The following COPG1 variants were observed in gnomAD, a reference collection of about 807,000 sequenced individuals.
COPG1 encodes the protein coat protein complex I subunit gamma 1.
Under a neutral mutation model 102.8 loss-of-function variants are expected in COPG1, and 29 were observed. The observed-to-expected ratio is 0.28, with a 90% CI of 0.21 to 0.38. The LOEUF (loss-of-function observed/expected upper bound fraction) is 0.38, where lower values mean the gene tolerates loss of function less well. COPG1 is among the 10% of genes least tolerant of loss of function. The pLI, the probability that COPG1 is intolerant of heterozygous loss-of-function variation, is 1.00. For missense variants in COPG1, 875 were observed against 1,132.7 expected (o/e 0.77, Z 3.27); for synonymous variants, 406 against 421.6 (o/e 0.96, Z 0.45).
chr3:129,262,370 A>G (rs897293190), intron 12 of COPG1, among the ~76,000 whole-genome samples: 4 of 150,950 alleles, frequency 2.6e-5, no homozygotes, highest in African/African-American at 9.7e-5. Context: ...CTTCTGCCTC[A>G]GCCTCCTGAG....
intron 10 of COPG1, among the ~76,000 whole-genome samples, chr3:129,259,908 A>G (rs866224899): frequency 5.3e-5 from 8 of 152,328 alleles, no homozygotes; most frequent in African/African-American, 1.7e-4. Context: ...ACAGAGGTTA[A>G]GGGCTTAGGC....
chr3:129,266,085 C>T (rs1254943070), intron 14 of COPG1, among the ~76,000 whole-genome samples: 1 of 152,042 alleles, frequency 6.6e-6, no homozygotes, highest in African/African-American at 2.4e-5. Flanking sequence ...GATTCTCCTG[C>T]CTCAGCCTCC....
intron 5 of COPG1, among the ~76,000 whole-genome samples, chr3:129,253,930 G>A (rs1380844815): frequency 2.0e-5 from 3 of 151,260 alleles, no homozygotes; most frequent in Non-Finnish European, 2.9e-5. Context: ...AACTGGGGAG[G>A]TGGAGGTTGC....
Position 129,260,705 on chromosome 3 carries a change from G to A in COPG1, c.1026G>A (p.Thr342=), listed in dbSNP as rs780636747. ...CAGATTCAAACCGCAGCATTGCCACGCTGGCCATCACCACCCTCCTTAAGA... is the reference window on the plus strand; with the variant it reads ...CAGATTCAAACCGCAGCATTGCCACACTGGCCATCACCACCCTCCTTAAGA... ...LVTDSNRSIA[T]LAITTLLKTG... Residue 342 remains threonine, a synonymous_variant, in exon 12 of 24, where the codon ACG becomes ACA. Transcript: ENST00000314797. 2.4e-5 allele frequency: 39 copies of A among 1,613,732 alleles called. No individual in the cohort carries two copies. The highest frequency in any genetic ancestry group is 1.4e-5 in the Non-Finnish European group (16 of 1,180,042).
At position 129,266,674 on chromosome 3, in the gene COPG1, C is replaced by A. The variant is rs575703397; in HGVS notation, c.1469-350C>A. On this transcript the variant is annotated intron_variant, in intron 14 of 23. Coordinates refer to ENST00000314797, the MANE Select transcript of COPG1 (RefSeq NM_016128.4). ...TCATTTTTATTATTCTGAGCCTTAACTGCAAATTGACGCCATTTGGATATG... is the reference window on the plus strand; with the variant it reads ...TCATTTTTATTATTCTGAGCCTTAAATGCAAATTGACGCCATTTGGATATG... Among the ~76,000 whole-genome samples, 33 of 152,250 alleles carry A rather than the reference C, an allele frequency of 2.2e-4. No homozygotes were observed. In the East Asian group the frequency reaches 4.1e-3, roughly 19 times the overall value.
chr3:129,259,730 G>A (rs1047752551), intron 10 of COPG1, among the ~76,000 whole-genome samples: 5 of 152,106 alleles, frequency 3.3e-5, no homozygotes, highest in South Asian at 2.1e-4. Flanking sequence ...CTGAGCTTCC[G>A]GGCAGCCAGG....
chr3:129,252,474 C>T, intron 3 of COPG1, 113 bp downstream of exon 3: 1 of 1,023,550 alleles, frequency 9.8e-7, no homozygotes, highest in African/African-American at 1.6e-5. Flanking sequence ...CTGTAGACAA[C>T]AGCTCAGCTC....
chr3:129,273,748 T>C (rs1311483132), intron 21 of COPG1, among the ~76,000 whole-genome samples: 4 of 152,208 alleles, frequency 2.6e-5, no homozygotes, highest in Non-Finnish European at 5.9e-5. Context: ...AGAAGGAGAA[T>C]AGTTGGGTCA....
intron 18 of COPG1, among the ~76,000 whole-genome samples, chr3:129,270,470 C>A (rs549952785): frequency 1.3e-5 from 2 of 152,066 alleles, no homozygotes; most frequent in Non-Finnish European, 2.9e-5. Context: ...CCAACAGAAT[C>A]CCCCAGGGAG....
Position 129,252,618 on chromosome 3 carries a change from C to T in COPG1, c.172-5C>T, listed in dbSNP as rs1939723090. On this transcript the variant is annotated splice_region_variant and splice_polypyrimidine_tract_variant and intron_variant, in intron 3 of 23. Transcript: ENST00000314797. ...AAGCTGAGACTTCTTTCTTGATTAA[C>T]ACAGGGGGAGCACCTGGGGACCACG... The T allele has an allele frequency of 1.2e-6, 2 of 1,613,182 alleles. No homozygotes were observed.
chr3:129,275,312 G>A lies in COPG1; in HGVS notation c.2494+20G>A. 6.2e-7 allele frequency: 1 copy of A among 1,606,310 alleles called. No individual in the cohort carries two copies. The highest frequency in any genetic ancestry group is 8.5e-7 in the Non-Finnish European group (1 of 1,173,084). On this transcript the variant is annotated intron_variant, in intron 23 of 23. Coordinates refer to ENST00000314797, the MANE Select transcript of COPG1 (RefSeq NM_016128.4). This position sits in a 1 kb window ranked among gnomAD's most constrained non-coding sequence, Gnocchi z 5.0. ...TGGCTGGTAAGTGGCATTTCTAGAT[G>A]GGGAGGGCCTGGATAGCTTACAGCC... is the stretch of plus-strand genomic sequence containing the variant.
intron 16 of COPG1, 36 bp from the exon 17 acceptor site, chr3:129,268,459 T>TA: frequency 6.2e-7 from 1 of 1,609,730 alleles, no homozygotes; most frequent in Non-Finnish European, 8.5e-7. Flanking sequence ...CATTTTGCTC[T>TA]ATCTGCCAGG....
chr3:129,268,724 G>T, intron 17 of COPG1, 104 bp downstream of exon 17: 3 of 1,372,030 alleles, frequency 2.2e-6, no homozygotes, highest in Non-Finnish European at 3.0e-6. Flanking sequence ...TGGCAGTTAT[G>T]CTGGGAGGAG....
chr3:129,255,154 G>A, intron 7 of COPG1, 77 bp downstream of exon 7: 3 of 897,380 alleles, frequency 3.3e-6, no homozygotes, highest in Non-Finnish European at 5.3e-6. Flanking sequence ...ATTCCAGTAG[G>A]AAAAAAGAAA....
intron 2 of COPG1, among the ~76,000 whole-genome samples, chr3:129,251,613 C>T (rs1443547404): frequency 6.6e-6 from 1 of 151,602 alleles, no homozygotes; most frequent in Non-Finnish European, 1.5e-5. Context: ...TGGTGTGAAT[C>T]CTGACCTCTT....
chr3:129,258,880 G>A (rs1939866523), intron 10 of COPG1, among the ~76,000 whole-genome samples: 1 of 152,184 alleles, frequency 6.6e-6, no homozygotes, highest in African/African-American at 2.4e-5. Flanking sequence ...CCTATGAAGA[G>A]GTGCAAAGTG....
In COPG1 at chr3:129,251,871, A is replaced by G. The variant is rs191331647; in HGVS notation, c.91-410A>G. Among the ~76,000 whole-genome samples, 23 of 148,684 alleles carry G rather than the reference A, an allele frequency of 1.5e-4. No homozygotes were observed. In the East Asian group the frequency reaches 4.0e-3, roughly 26 times the overall value. On this transcript the variant is annotated intron_variant, in intron 2 of 23. Transcript: ENST00000314797. ...CCTGGCTAAGTTTTGTATTTTTAGT[A>G]CAGACGGGGTTTCACCATGTTGGCC...
Position 129,272,303 on chromosome 3 carries a change from G to A in COPG1, c.2046G>A (p.Glu682=), listed in dbSNP as rs137889905. The A allele has an allele frequency of 6.2e-6, 10 of 1,613,940 alleles. No homozygotes were observed. In the East Asian group the frequency reaches 2.0e-4, roughly 32 times the overall value. ...QTLENVTVQM[E]PTEAYEVLCY... ...TGGAGAATGTCACAGTGCAGATGGA[G>A]CCCACTGAGGCCTATGAGGTGCTCT... The change falls in exon 20 of 24, where the codon GAG becomes GAA. Residue 682 remains glutamate (E), a synonymous_variant. Coordinates refer to ENST00000314797, the MANE Select transcript of COPG1 (RefSeq NM_016128.4).
chr3:129,255,209 C>A, intron 7 of COPG1, 132 bp downstream of exon 7: 2 of 628,826 alleles, frequency 3.2e-6, no homozygotes, highest in Non-Finnish European at 5.5e-6. Context: ...GACGGAGTCT[C>A]ACTCTGTCAC....
Sources: allele counts gnomAD v4.1 joint callset (sites outside exome capture counted in the v4.1 genomes callset), GRCh38; gene constraint gnomAD v4.1.1; non-coding constraint Gnocchi (gnomAD v3.1); transcripts MANE v1.5; gene names NCBI Gene and HGNC (gene_info 2026-07-23, HGNC 2026-07-21).